The following ZC3H12B variants were observed in gnomAD, a reference collection of about 807,000 sequenced individuals.
ZC3H12B encodes the protein probable ribonuclease ZC3H12B.
A neutral mutation model predicts 43.9 loss-of-function variants in ZC3H12B; 7 were observed. The observed-to-expected ratio is 0.16, with a 90% CI of 0.09 to 0.30. ZC3H12B has a LOEUF of 0.30. Ranked by LOEUF, ZC3H12B falls within the 10% of genes least tolerant of loss-of-function variation. The pLI is 1.00. For synonymous variants in ZC3H12B, 222 were observed against 241.7 expected (o/e 0.92, Z 0.76); for missense variants, 475 against 670.2 (o/e 0.71, Z 3.22).
chrX:65,102,491 G>A, the ZC3H12B span, among the ~76,000 whole-genome samples: 325 of 111,866 alleles, frequency 2.9e-3, 3 homozygotes, highest in African/African-American at 9.8e-3. Flanking sequence ...AAAGCCTGTC[G>A]TCTCAGCCCA....
the ZC3H12B span, among the ~76,000 whole-genome samples, chrX:65,114,147 G>T: frequency 9.5e-6 from 1 of 104,914 alleles, no homozygotes; most frequent in Non-Finnish European, 2.0e-5. Flanking sequence ...ATTTTCTGCA[G>T]AAGTTTATTT....
At chrX:65,278,983 C>G in the ZC3H12B span, among the ~76,000 whole-genome samples, 1 of 110,598 alleles carries the variant, frequency 9.0e-6, no homozygotes, top group Non-Finnish European at 1.9e-5. Context: ...TGATCTTCTT[C>G]TTTTTTATGG....
chrX:65,283,974 G>A, the ZC3H12B span, among the ~76,000 whole-genome samples: 1 of 111,196 alleles, frequency 9.0e-6, no homozygotes, highest in East Asian at 2.8e-4. Context: ...CTTGGACTTG[G>A]TTCTCAACTG....
the ZC3H12B span, among the ~76,000 whole-genome samples, chrX:65,129,257 G>GTATA: frequency 6.6e-3 from 565 of 85,968 alleles, 9 homozygotes; most frequent in African/African-American, 0.04. Flanking sequence ...GTGTATATAT[G>GTATA]TATATATATA....
At chrX:65,346,717 G>T in the ZC3H12B span, among the ~76,000 whole-genome samples, 1 of 112,174 alleles carries the variant, frequency 8.9e-6, no homozygotes. Flanking sequence ...TTTCTCCACT[G>T]CAGCTCAGCA....
chrX:65,318,369 TCTTC>T, the ZC3H12B span, among the ~76,000 whole-genome samples: 1 of 109,215 alleles, frequency 9.2e-6, no homozygotes, highest in East Asian at 2.9e-4. Flanking sequence ...CTTTCTTCCT[TCTTC>T]CTTCTTTTTC....
exon 5 of ZC3H12B, chrX:65,502,418 G>C (rs757411200): frequency 8.3e-7 from 1 of 1,211,075 alleles, no homozygotes. Flanking sequence ...AGACCGGGGG[G>C]TGTATGCCCG....
the ZC3H12B span, among the ~76,000 whole-genome samples, chrX:65,221,903 A>C: frequency 1.4e-4 from 16 of 111,225 alleles, no homozygotes; most frequent in African/African-American, 4.9e-4. Context: ...AGAAAAAAAA[A>C]ATTACAGACC....
chrX:65,262,471 C>T, the ZC3H12B span, among the ~76,000 whole-genome samples: 1 of 111,301 alleles, frequency 9.0e-6, no homozygotes, highest in Non-Finnish European at 1.9e-5. Context: ...GAAATTTAAT[C>T]ATTTTTGTCA....
chrX:65,475,893 A>G (rs1024169943), intron 3 of ZC3H12B, among the ~76,000 whole-genome samples: 2 of 112,158 alleles, frequency 1.8e-5, no homozygotes, highest in East Asian at 2.8e-4. Context: ...CCCATGACAC[A>G]TGGGGATTAT....
the ZC3H12B span, chrX:65,328,220 G>C: frequency 4.2e-6 from 1 of 238,684 alleles, no homozygotes; most frequent in African/African-American, 2.9e-5. Context: ...AGGGTGATCT[G>C]CAAGAATTTC....
At chrX:65,180,753 G>A in the ZC3H12B span, among the ~76,000 whole-genome samples, 2 of 110,965 alleles carry the variant, frequency 1.8e-5, no homozygotes, top group African/African-American at 6.6e-5. Context: ...ACTGCTCAAG[G>A]AAATAAGAGA....
chrX:65,374,387 T>C (rs1028658622), intron 2 of ZC3H12B, among the ~76,000 whole-genome samples: 1 of 101,544 alleles, frequency 9.8e-6, no homozygotes, highest in African/African-American at 3.6e-5. Context: ...AACATACCCA[T>C]GTAACAAACT....
upstream of ZC3H12B, among the ~76,000 whole-genome samples, chrX:65,366,086 T>G (rs973905764): frequency 9.0e-6 from 1 of 110,605 alleles, no homozygotes; most frequent in Non-Finnish European, 1.9e-5. Context: ...AATTTGGCTT[T>G]TATTGGCTTA....
the ZC3H12B span, among the ~76,000 whole-genome samples, chrX:65,325,932 T>C: frequency 1.8e-5 from 2 of 110,802 alleles, no homozygotes; most frequent in Non-Finnish European, 3.8e-5. Context: ...TCAACAAAGG[T>C]TTCGAGTATG....
chrX:65,116,948 C>T, the ZC3H12B span, among the ~76,000 whole-genome samples: 1 of 111,886 alleles, frequency 8.9e-6, no homozygotes, highest in African/African-American at 3.2e-5. Context: ...TTTTCTTAAT[C>T]CAGTTGATCA....
chrX:65,289,007 A>G, the ZC3H12B span, among the ~76,000 whole-genome samples: 2 of 111,388 alleles, frequency 1.8e-5, no homozygotes, highest in Non-Finnish European at 1.9e-5. Context: ...ACAAAAAGAA[A>G]AAAATACTTA....
chrX:65,090,127 T>C, the ZC3H12B span, among the ~76,000 whole-genome samples: 1 of 112,700 alleles, frequency 8.9e-6, no homozygotes, highest in Non-Finnish European at 1.9e-5. Context: ...GTATGTGCTA[T>C]GTACTTTTAT....
At chrX:65,214,319 G>T in the ZC3H12B span, among the ~76,000 whole-genome samples, 3 of 111,655 alleles carry the variant, frequency 2.7e-5, no homozygotes, top group Non-Finnish European at 5.6e-5. Flanking sequence ...CTGTTTGATA[G>T]CAGTTTATCC....
Sources: gnomAD v4.1 joint callset for allele counts (sites outside exome capture counted in the v4.1 genomes callset) on GRCh38, gnomAD v4.1.1 for gene constraint, MANE v1.5 for transcripts, NCBI Gene and HGNC (gene_info 2026-07-23, HGNC 2026-07-21) for gene names.